The following PCBP3 variants were observed in gnomAD, a reference collection of about 807,000 sequenced individuals.
PCBP3 encodes poly(rC) binding protein 3.
Under a neutral mutation model 52.7 loss-of-function variants are expected in PCBP3, and 25 were observed. The observed-to-expected ratio is 0.47, with a 90% CI of 0.35 to 0.66. The LOEUF (loss-of-function observed/expected upper bound fraction) is 0.66, where lower values mean the gene tolerates loss of function less well. PCBP3 is among the 30% of genes least tolerant of loss of function. The probability of loss-of-function intolerance (pLI) is 0.01; values close to 1 mark genes in which losing one functional copy is unlikely to be tolerated. For synonymous variants in PCBP3, 162 were observed against 183.0 expected (o/e 0.89, Z 0.93); for missense variants, 391 against 490.3 (o/e 0.80, Z 1.91).
At chr21:45,738,022 C>T (rs11911477) in intron 3 of PCBP3, among the ~76,000 whole-genome samples, 1,759 of 152,232 alleles carry the variant, frequency 0.012, 51 homozygotes, top group African/African-American at 0.039. Flanking sequence ...GGTGCCTTCC[C>T]TGGGCTGTGT....
chr21:45,687,884 C>T (rs1028713183), intron 2 of PCBP3, among the ~76,000 whole-genome samples: 7 of 152,012 alleles, frequency 4.6e-5, no homozygotes, highest in African/African-American at 1.7e-4. Context: ...GCAGCCACCA[C>T]CACACCTGGC....
At position 45,690,134 on chromosome 21, in the gene PCBP3, T is replaced by A. The variant is rs185092785; in HGVS notation, c.-200+21182T>A. 1.6e-3 allele frequency among the ~76,000 whole-genome samples: 247 copies of A among 152,272 alleles called. 1 individual carries two copies. Among genetic ancestry groups the A allele is most frequent in the South Asian group, 3.9e-3 (19 of 4,834 alleles). ...GTAATAGCATATGATAGCATAGGGA[T>A]AGGCATGTAGATGGAACAGAACACA... On this transcript the variant is annotated intron_variant, in intron 2 of 17. Transcript: ENST00000681687.
In PCBP3 at chr21:45,917,529, G is replaced by T; in HGVS notation, c.676-59G>T. The T allele has an allele frequency of 2.2e-6, 3 of 1,380,704 alleles. No individual in the cohort carries two copies. Among genetic ancestry groups the T allele is most frequent in the Non-Finnish European group, 3.1e-6 (3 of 972,008 alleles). The allele number at this position is 1,380,704 out of a possible 1,614,324, so 85.5% of individuals were successfully genotyped here. A position where few individuals can be genotyped will look rare whatever the true frequency, so the allele number is the denominator to read the frequency against. Reference sequence around the variant, plus strand: ...CCTTGTCATGCTGGAGGGTGGCGGCGGGTGCTGAGCCGTGGTGCAGCCAGG... The same window carrying T: ...CCTTGTCATGCTGGAGGGTGGCGGCTGGTGCTGAGCCGTGGTGCAGCCAGG... On this transcript the variant is annotated intron_variant, in intron 12 of 17. Transcript: ENST00000681687. This position sits in a 1 kb window ranked among gnomAD's most constrained non-coding sequence, Gnocchi z 5.3.
chr21:45,772,744 G>A (rs1181282911), intron 4 of PCBP3, among the ~76,000 whole-genome samples: 2 of 151,468 alleles, frequency 1.3e-5, no homozygotes, highest in African/African-American at 4.9e-5. Flanking sequence ...TTTTATTATG[G>A]CCATTCTATT....
intron 2 of PCBP3, among the ~76,000 whole-genome samples, chr21:45,693,155 A>G (rs1321970527): frequency 1.3e-5 from 2 of 152,140 alleles, no homozygotes. Context: ...AAGGGCATCT[A>G]TAAAAAACCT....
At chr21:45,864,488 T>TA (rs2094631249) in intron 5 of PCBP3, among the ~76,000 whole-genome samples, 1 of 152,236 alleles carries the variant, frequency 6.6e-6, no homozygotes, top group Admixed American at 6.5e-5. Context: ...GTTCATAAGT[T>TA]ACAACAAAAT....
intron 2 of PCBP3, chr21:45,728,816 C>A (rs1203301569): frequency 6.6e-6 from 1 of 152,098 alleles, no homozygotes; most frequent in Non-Finnish European, 1.5e-5. Context: ...TAAGAACTTG[C>A]TCCATCTAAG....
chr21:45,939,183 G>A (rs534412511), intron 16 of PCBP3, among the ~76,000 whole-genome samples: 9 of 152,370 alleles, frequency 5.9e-5, no homozygotes, highest in Admixed American at 5.9e-4. Context: ...TCTGCCACAG[G>A]TCTGGCCACG....
At chr21:45,854,983 CAGAG>C (rs1293780514) in intron 5 of PCBP3, among the ~76,000 whole-genome samples, 2 of 152,214 alleles carry the variant, frequency 1.3e-5, no homozygotes, top group East Asian at 3.9e-4. Flanking sequence ...AGAAAGCTGA[CAGAG>C]AGCTCCAGGA....
intron 4 of PCBP3, among the ~76,000 whole-genome samples, chr21:45,806,157 C>A (rs2092491798): frequency 6.6e-6 from 1 of 152,238 alleles, no homozygotes; most frequent in East Asian, 1.9e-4. Context: ...CCCAGCAAAG[C>A]CACCCGGCTG....
At chr21:45,908,617 C>G (rs1258990321) in intron 9 of PCBP3, among the ~76,000 whole-genome samples, 1 of 150,858 alleles carries the variant, frequency 6.6e-6, no homozygotes, top group Non-Finnish European at 1.5e-5. Flanking sequence ...CCGCCACGCT[C>G]TGCAGCGAGC....
intron 3 of PCBP3, among the ~76,000 whole-genome samples, chr21:45,754,156 G>GA (rs2087806472): frequency 6.6e-6 from 1 of 151,932 alleles, no homozygotes; most frequent in South Asian, 2.1e-4. Flanking sequence ...AATTTTAATG[G>GA]AAAAATATTG....
chr21:45,835,566 A>G (rs1401996252), intron 4 of PCBP3, among the ~76,000 whole-genome samples: 1 of 152,200 alleles, frequency 6.6e-6, no homozygotes, highest in East Asian at 1.9e-4. Context: ...CCAGGGTTCA[A>G]ACCTAATATG....
At chr21:45,787,995 C>G (rs1322466460) in intron 4 of PCBP3, among the ~76,000 whole-genome samples, 1 of 151,980 alleles carries the variant, frequency 6.6e-6, no homozygotes, top group Non-Finnish European at 1.5e-5. Context: ...CTGGGGAGAC[C>G]TACGGGGGAA....
intron 10 of PCBP3, among the ~76,000 whole-genome samples, chr21:45,909,732 AGACCTGGCCCACCCACTGCCCAGATACG>A (rs2096292726): frequency 1.5e-5 from 1 of 67,756 alleles, no homozygotes; most frequent in Non-Finnish European, 3.0e-5. Context: ...GCCCAGATAC[AGACCTGGCCCACCCACTGCCCAGATACG>A]GACCCCCCCC....
At chr21:45,799,009 G>A (rs1317052420) in intron 4 of PCBP3, among the ~76,000 whole-genome samples, 1 of 151,724 alleles carries the variant, frequency 6.6e-6, no homozygotes, top group Non-Finnish European at 1.5e-5. Flanking sequence ...TCCATAGAGA[G>A]AGTGAATGGA....
At chr21:45,845,993 G>A (rs1213689740) in intron 4 of PCBP3, among the ~76,000 whole-genome samples, 1 of 152,214 alleles carries the variant, frequency 6.6e-6, no homozygotes, top group Non-Finnish European at 1.5e-5. Context: ...CTAAACAGCT[G>A]TGTTTCCCAC....
At chr21:45,849,176 C>A (rs1292284503) in intron 4 of PCBP3, among the ~76,000 whole-genome samples, 3 of 150,642 alleles carry the variant, frequency 2.0e-5, no homozygotes, top group African/African-American at 7.3e-5. Flanking sequence ...TTCCCTTTTT[C>A]TCCCAAGGTT....
intron 5 of PCBP3, among the ~76,000 whole-genome samples, chr21:45,892,834 C>G (rs1032044730): frequency 6.6e-6 from 1 of 152,208 alleles, no homozygotes; most frequent in Admixed American, 6.5e-5. Context: ...CTGGGTCTCC[C>G]CATCTTAGTG....
Sources: allele counts gnomAD v4.1 joint callset (sites outside exome capture counted in the v4.1 genomes callset), GRCh38; gene constraint gnomAD v4.1.1; non-coding constraint Gnocchi (gnomAD v3.1); transcripts MANE v1.5; gene names NCBI Gene and HGNC (gene_info 2026-07-23, HGNC 2026-07-21).